The following SLFN12 variants were observed in gnomAD, a reference collection of about 807,000 sequenced individuals.
The protein encoded by SLFN12 is schlafen family member 12, also known as ribonuclease SLFN12.
In SLFN12, 25 loss-of-function variants were observed where a neutral mutation model predicts 29.1. The observed-to-expected ratio is 0.86, with a 90% CI of 0.63 to 1.20. SLFN12 has a LOEUF of 1.20. SLFN12 is among the 50% of genes most tolerant of loss of function. The pLI is 0.00. For missense variants in SLFN12, 660 were observed against 666.2 expected, an observed-to-expected ratio of 0.99 and a Z score of 0.10; for synonymous variants, 257 against 238.7, an observed-to-expected ratio of 1.08 and a Z score of -0.71.
At chr17:35,430,011 G>C (rs1912222283) in intron 1 of SLFN12, among the ~76,000 whole-genome samples, 1 of 151,846 alleles carries the variant, frequency 6.6e-6, no homozygotes. Flanking sequence ...AGCTCTGCTT[G>C]AACACTGCAG....
intron 3 of SLFN12, among the ~76,000 whole-genome samples, chr17:35,417,479 G>A (rs1911381056): frequency 6.6e-6 from 1 of 151,816 alleles, no homozygotes; most frequent in African/African-American, 2.4e-5. Context: ...TAAGTTCTGG[G>A]GTACATGTGC....
rs1911736206 is a variant in SLFN12 at position 35,422,481 on chromosome 17, A to T, written c.548T>A (p.Val183Asp). Reference protein sequence around the residue: ...EENNMKALAGVFFDRTELDRK... With the variant: ...EENNMKALAGDFFDRTELDRK... ...ATCAAGTTCTGTTCTATCAAAAAAA[A>T]CCCCGGCCAAGGCCTTCATGTTATT... Residue 183 changes from valine (V) to aspartate (D), a missense_variant, in exon 2 of 4, where the codon GTT (valine) becomes GAT (aspartate). Coordinates refer to ENST00000304905, the MANE Select transcript of SLFN12 (RefSeq NM_018042.5). 1 of 1,611,936 alleles carries T rather than the reference A, an allele frequency of 6.2e-7. No homozygotes were observed. Among genetic ancestry groups the T allele is most frequent in the Non-Finnish European group, 8.5e-7 (1 of 1,179,532 alleles).
chr17:35,419,117 T>C (rs1597772094), intron 3 of SLFN12, among the ~76,000 whole-genome samples: 1 of 152,140 alleles, frequency 6.6e-6, no homozygotes, highest in East Asian at 1.9e-4. Context: ...CACCTCTGGA[T>C]TGTGTATTTA....
At chr17:35,421,534 CT>C (rs770181686) in intron 2 of SLFN12, among the ~76,000 whole-genome samples, 7,853 of 104,214 alleles carry the variant, frequency 0.075, 130 homozygotes, top group South Asian at 0.17. Context: ...AGGCAGGGAA[CT>C]TTTTTTTTTT....
chr17:35,430,252 A>G (rs974684463), intron 1 of SLFN12, among the ~76,000 whole-genome samples: 2 of 152,080 alleles, frequency 1.3e-5, no homozygotes, highest in Non-Finnish European at 2.9e-5. Context: ...TTGCAGGAGA[A>G]AAACAAAAAC....
Position 35,422,086 on chromosome 17 carries a change from A to G in SLFN12, c.943T>C (p.Phe315Leu). 1 of 1,614,114 alleles carries G rather than the reference A, an allele frequency of 6.2e-7. No individual in the cohort carries two copies. The highest frequency in any genetic ancestry group is 2.2e-5 in the East Asian group (1 of 44,884). The change falls in exon 2 of 4, where the codon TTT becomes CTT. Residue 315 changes from phenylalanine (F) to leucine (L), a missense_variant. Phe to Leu is a conservative substitution (Grantham distance 22). Coordinates refer to ENST00000304905, the MANE Select transcript of SLFN12 (RefSeq NM_018042.5). Reference sequence around the variant, plus strand: ...TGCCAGGAATCAGGCTCTTTAGCAAACACTGCACAGCAGAAGCGCTCCACT... The same window carrying G: ...TGCCAGGAATCAGGCTCTTTAGCAAGCACTGCACAGCAGAAGCGCTCCACT... ...LRVERFCCAV[F>L]AKEPDSWHVK...
intron 3 of SLFN12, among the ~76,000 whole-genome samples, chr17:35,415,883 AG>A (rs1391982273): frequency 6.6e-6 from 1 of 152,176 alleles, no homozygotes; most frequent in Non-Finnish European, 1.5e-5. Flanking sequence ...TGCACTGAAA[AG>A]GGAATTCTTT....
rs539344520 is a variant in SLFN12, at chr17:35,430,247, G to A, written c.-41+1941C>T. Among the ~76,000 whole-genome samples the A allele has an allele frequency of 4.6e-5, 7 of 152,152 alleles. No individual in the cohort carries two copies. The South Asian group carries it at 1.2e-3, about 27-fold the overall frequency. On this transcript the variant is annotated intron_variant, in intron 1 of 3. Transcript: ENST00000304905. The stretch of plus-strand genomic sequence containing the variant: ...TGCTCACTGAAACATTCTGTTTGCA[G>A]GAGAAAAACAAAAACTTGGTCTGTT...
In SLFN12 at chr17:35,422,166, T is replaced by G. The variant is rs1027874896; in HGVS notation, c.863A>C (p.Lys288Thr). Residue 288 changes from lysine (K) to threonine (T), a missense_variant, in exon 2 of 4, where the codon AAA (lysine) becomes ACA (threonine). Transcript: ENST00000304905. ...TCCTTTATCATATACTCCAAGGAAT[T>G]TGCATGAATAATTTATCTTCTTCTT... The part of the protein sequence containing the change: ...MEKKKINYSC[K>T]FLGVYDKGSL... 3.7e-6 allele frequency: 6 copies of G among 1,614,120 alleles called. No homozygotes were observed. The highest frequency in any genetic ancestry group is 5.1e-6 in the Non-Finnish European group (6 of 1,179,992).
chr17:35,419,354 G>A (rs547958837), intron 3 of SLFN12, among the ~76,000 whole-genome samples: 1 of 151,878 alleles, frequency 6.6e-6, no homozygotes, highest in African/African-American at 2.4e-5. Flanking sequence ...GAAAACATTT[G>A]GTAGTCGTTA....
chr17:35,419,129 A>G (rs544598275), intron 3 of SLFN12, among the ~76,000 whole-genome samples: 13 of 152,246 alleles, frequency 8.5e-5, no homozygotes, highest in Non-Finnish European at 1.3e-4. Flanking sequence ...GTGTATTTAC[A>G]TGTTAAATGT....
At chr17:35,430,773 C>A (rs1228405131) in intron 1 of SLFN12, among the ~76,000 whole-genome samples, 1 of 152,090 alleles carries the variant, frequency 6.6e-6, no homozygotes, top group Admixed American at 6.5e-5. Context: ...AATCTACCAA[C>A]TTAAGTAAAC....
chr17:35,413,749 C>CAA (rs11362952), intron 3 of SLFN12, among the ~76,000 whole-genome samples: 4 of 78,382 alleles, frequency 5.1e-5, no homozygotes, highest in Non-Finnish European at 9.1e-5. Context: ...AACCATGTCT[C>CAA]AAAAAAAAAA....
At chr17:35,424,541 A>G (rs1223413384) in intron 1 of SLFN12, among the ~76,000 whole-genome samples, 7 of 152,158 alleles carry the variant, frequency 4.6e-5, no homozygotes, top group Non-Finnish European at 1.0e-4. Flanking sequence ...AGGTTTTCCG[A>G]GTGGCATAGA....
chr17:35,420,759 G>A (rs1244965624), intron 2 of SLFN12: 1 of 174,048 alleles, frequency 5.7e-6, no homozygotes, highest in African/African-American at 2.4e-5. Context: ...GCTAGTACTG[G>A]TCCAATTGCT....
chr17:35,422,037 T>C lies in SLFN12; in HGVS notation c.992A>G (p.Gln331Arg). Residue 331 changes from glutamine (Q) to arginine (R), a missense_variant, in exon 2 of 4, where the codon CAG becomes CGG. Transcript: ENST00000304905. ...CTGGATCCATTCCTTCCTGGTCAAC[T>C]GCATCACACGGTTATCTTTCACATG... ...SWHVKDNRVM[Q>R]LTRKEWIQFM... 2 of 1,614,082 alleles carry C rather than the reference T, an allele frequency of 1.2e-6. No individual in the cohort carries two copies. The highest frequency in any genetic ancestry group is 1.7e-6 in the Non-Finnish European group (2 of 1,180,000).
At chr17:35,412,451 T>A (rs2142029519) in intron 3 of SLFN12, among the ~76,000 whole-genome samples, 1 of 152,190 alleles carries the variant, frequency 6.6e-6, no homozygotes, top group South Asian at 2.1e-4. Context: ...AAACACAGAC[T>A]GGAATTCCAG....
rs1199208400 is a variant in SLFN12 at position 35,422,486 on chromosome 17, G to A, written c.543C>T (p.Ala181=). 2 of 1,612,692 alleles carry A rather than the reference G, an allele frequency of 1.2e-6. No individual in the cohort carries two copies. Residue 181 remains alanine, a synonymous_variant, in exon 2 of 4, where the codon GCC becomes GCT. Transcript: ENST00000304905. The stretch of plus-strand genomic sequence containing the variant: ...GTTCTGTTCTATCAAAAAAAACCCC[G>A]GCCAAGGCCTTCATGTTATTTTCTT... The part of the protein sequence containing the change: ...IQEENNMKAL[A]GVFFDRTELD...
intron 1 of SLFN12, among the ~76,000 whole-genome samples, chr17:35,424,586 T>C (rs1209429697): frequency 1.3e-5 from 2 of 152,138 alleles, no homozygotes; most frequent in Non-Finnish European, 2.9e-5. Flanking sequence ...TAGGTAGTAA[T>C]TGCTATACTA....
Sources: allele counts gnomAD v4.1 joint callset (sites outside exome capture counted in the v4.1 genomes callset), GRCh38; gene constraint gnomAD v4.1.1; transcripts MANE v1.5; gene names NCBI Gene and HGNC (gene_info 2026-07-23, HGNC 2026-07-21).